RNF13: variants seen among roughly 807,000 people sequenced by gnomAD.
RNF13 encodes the protein ring finger protein 13.
RNF13 carries 19 observed loss-of-function variants against 37.7 expected under a neutral mutation model. The observed-to-expected ratio is 0.50, with a 90% CI of 0.35 to 0.74. The LOEUF (loss-of-function observed/expected upper bound fraction) is 0.74. RNF13 is among the 30% of genes least tolerant of loss of function. RNF13 has a pLI of 0.01. For synonymous variants in RNF13, 144 were observed against 157.8 expected, an observed-to-expected ratio of 0.91 and a Z score of 0.65; for missense variants, 375 against 453.0, an observed-to-expected ratio of 0.83 and a Z score of 1.56.
chr3:149,838,730 C>G (rs1427500562), intron 1 of RNF13, among the ~76,000 whole-genome samples: 1 of 152,216 alleles, frequency 6.6e-6, no homozygotes, highest in African/African-American at 2.4e-5. Context: ...ATGACAACCT[C>G]TGACATGCCC....
chr3:149,947,439 CT>C (rs1720876306), intron 8 of RNF13, among the ~76,000 whole-genome samples: 2 of 150,082 alleles, frequency 1.3e-5, no homozygotes, highest in African/African-American at 2.5e-5. Flanking sequence ...GAGTTTCGCT[CT>C]TTTGCCCAAG....
intron 1 of RNF13, among the ~76,000 whole-genome samples, chr3:149,839,652 A>G (rs987239016): frequency 2.6e-5 from 4 of 152,222 alleles, no homozygotes; most frequent in African/African-American, 4.8e-5. Context: ...CCATGATTCA[A>G]TTAACCTCCC....
chr3:149,888,661 G>T (rs180918570), intron 4 of RNF13, among the ~76,000 whole-genome samples: 73 of 152,300 alleles, frequency 4.8e-4, no homozygotes, highest in African/African-American at 1.8e-3. Context: ...CATTTTACAT[G>T]AATATCCAGA....
chr3:149,960,212 T>C (rs1666261290), intron 9 of RNF13, 76 bp downstream of exon 9: 3 of 1,007,298 alleles, frequency 3.0e-6, no homozygotes, highest in Non-Finnish European at 4.7e-6. Context: ...GGGGAAGAGA[T>C]GGAAAATAGT....
At chr3:149,950,570 G>A (rs563269592) in intron 8 of RNF13, among the ~76,000 whole-genome samples, 18 of 152,148 alleles carry the variant, frequency 1.2e-4, no homozygotes, top group Non-Finnish European at 2.6e-4. Context: ...TACCTCCTGA[G>A]TTCAAGCCAT....
chr3:149,912,159 T>G, intron 7 of RNF13, 76 bp downstream of exon 7: 1 of 722,696 alleles, frequency 1.4e-6, no homozygotes, highest in Admixed American at 2.2e-5. Flanking sequence ...AGTGAGAGAA[T>G]TTAAACAATG....
rs531900319 is a variant in RNF13, at chr3:149,868,382, T to G, written c.196-3647T>G. Among the ~76,000 whole-genome samples the G allele has an allele frequency of 1.8e-4, 27 of 151,940 alleles. 1 individual carries two copies. Among genetic ancestry groups the G allele is most frequent in the African/African-American group, 6.0e-4 (25 of 41,554 alleles). On this transcript the variant is annotated intron_variant, in intron 3 of 9. Transcript: ENST00000392894. ...AAATAATTTTTCTTAGCATTTCTTG[T>G]AAGACAGGCCTGGTGGTGGTAAACT...
rs577863214 is a variant in RNF13, at chr3:149,921,015, ATGAAT to A, written c.607-110_607-106del. The A allele has an allele frequency of 8.6e-5, 31 of 361,556 alleles. 1 individual carries two copies. The South Asian group carries it at 3.3e-3, about 38-fold the overall frequency. 22.4% of individuals were successfully genotyped at this position (361,556 alleles called of 1,614,324 possible). A position where few individuals can be genotyped will look rare whatever the true frequency, so the allele number is the denominator to read the frequency against. On this transcript the variant is annotated intron_variant, in intron 7 of 9. Coordinates refer to ENST00000392894, the MANE Select transcript of RNF13 (RefSeq NM_183381.3). ...CAATACTATTGCAATTAGAATTTAAATGAATTGAATTGATTTGCAGTAGCTATCCA... is the reference window on the plus strand; with the variant it reads ...CAATACTATTGCAATTAGAATTTAAATGAATTGATTTGCAGTAGCTATCCA...
chr3:149,912,770 G>T (rs192726201), intron 7 of RNF13, among the ~76,000 whole-genome samples: 143 of 152,132 alleles, frequency 9.4e-4, no homozygotes, highest in African/African-American at 3.2e-3. Flanking sequence ...TCTCCATAAC[G>T]GTGGTTATCA....
intron 3 of RNF13, among the ~76,000 whole-genome samples, chr3:149,860,300 T>TATATATATAA (rs1467450547): frequency 2.6e-4 from 33 of 128,718 alleles, no homozygotes; most frequent in Non-Finnish European, 4.1e-4. Flanking sequence ...TATATATATA[T>TATATATATAA]AACGTGTATA....
Position 149,821,902 on chromosome 3 carries a change from T to C in RNF13, c.-17+8549T>C, listed in dbSNP as rs531285386. Among the ~76,000 whole-genome samples, 21 of 152,320 alleles carry C rather than the reference T, an allele frequency of 1.4e-4. No individual in the cohort carries two copies. In the South Asian group the frequency reaches 3.3e-3, roughly 24 times the overall value. ...TCCCGGCACCACTTGTTGAAGACAC[T>C]GTTCTTTTGCCATTGAATGGTCTTT... On this transcript the variant is annotated intron_variant, in intron 1 of 9. Transcript: ENST00000392894.
intron 8 of RNF13, among the ~76,000 whole-genome samples, chr3:149,926,019 C>G (rs1015322297): frequency 6.6e-6 from 1 of 152,188 alleles, no homozygotes; most frequent in Non-Finnish European, 1.5e-5. Flanking sequence ...AAGTACCTTT[C>G]ATGATATATG....
intron 1 of RNF13, among the ~76,000 whole-genome samples, chr3:149,829,947 A>G (rs1720888338): frequency 6.6e-6 from 1 of 151,668 alleles, no homozygotes; most frequent in African/African-American, 2.4e-5. Context: ...TATAAAAGGG[A>G]AGTTCTCCTG....
At chr3:149,843,877 A>T (rs1258521379) in intron 1 of RNF13, among the ~76,000 whole-genome samples, 1 of 152,256 alleles carries the variant, frequency 6.6e-6, no homozygotes, top group Admixed American at 6.5e-5. Context: ...GTTAGGATTA[A>T]GTGAGTTAAC....
intron 1 of RNF13, among the ~76,000 whole-genome samples, chr3:149,819,798 G>A (rs1719846287): frequency 6.6e-6 from 1 of 152,192 alleles, no homozygotes; most frequent in Non-Finnish European, 1.5e-5. Flanking sequence ...TATGCAGGCA[G>A]TAACATAATC....
At chr3:149,923,837 T>C (rs1471225722) in intron 8 of RNF13, among the ~76,000 whole-genome samples, 2 of 151,736 alleles carry the variant, frequency 1.3e-5, no homozygotes, top group African/African-American at 4.8e-5. Flanking sequence ...AAACATGTCA[T>C]TGGCTTTTCC....
intron 1 of RNF13, among the ~76,000 whole-genome samples, chr3:149,836,263 C>G (rs1393471911): frequency 1.3e-5 from 2 of 151,940 alleles, no homozygotes; most frequent in East Asian, 1.9e-4. Context: ...AAAAACCAAG[C>G]AACCCAATTA....
At chr3:149,828,142 TG>T (rs1720688320) in intron 1 of RNF13, among the ~76,000 whole-genome samples, 1 of 152,186 alleles carries the variant, frequency 6.6e-6, no homozygotes, top group Non-Finnish European at 1.5e-5. Context: ...ATGAGGGAAC[TG>T]GTTCATTTAG....
intron 3 of RNF13, among the ~76,000 whole-genome samples, chr3:149,862,986 G>A (rs1030666831): frequency 5.9e-5 from 9 of 152,038 alleles, no homozygotes; most frequent in Non-Finnish European, 1.3e-4. Flanking sequence ...ATGAGTAATC[G>A]TCACCTTTGA....
Sources: allele counts gnomAD v4.1 joint callset (sites outside exome capture counted in the v4.1 genomes callset), GRCh38; gene constraint gnomAD v4.1.1; transcripts MANE v1.5; gene names NCBI Gene and HGNC (gene_info 2026-07-23, HGNC 2026-07-21).